Variants in MAST2 observed in about 807,000 individuals in gnomAD.
MAST2 encodes the protein microtubule-associated serine/threonine-protein kinase 2.
MAST2 carries 70 observed loss-of-function variants against 147.4 expected under a neutral mutation model. That is an observed-to-expected ratio of 0.47 (90% CI 0.39 to 0.58). MAST2 has a LOEUF of 0.58. Ranked by LOEUF, MAST2 falls within the 20% of genes least tolerant of loss-of-function variation. The pLI, the probability that MAST2 is intolerant of heterozygous loss-of-function variation, is 0.00. For missense variants in MAST2, 2,080 were observed against 2,302.3 expected (o/e 0.90, Z 1.98); for synonymous variants, 869 against 896.8 (o/e 0.97, Z 0.55).
intron 3 of MAST2, among the ~76,000 whole-genome samples, chr1:45,845,778 T>C (rs1645411231): frequency 6.6e-6 from 1 of 152,246 alleles, no homozygotes; most frequent in African/African-American, 2.4e-5. Flanking sequence ...TTTTTCCTTT[T>C]TTGAGACGGA....
intron 4 of MAST2, among the ~76,000 whole-genome samples, chr1:45,956,032 T>G (rs541207619): frequency 1.4e-4 from 21 of 152,200 alleles, no homozygotes; most frequent in Non-Finnish European, 2.9e-4. Context: ...TGCTTCTCAT[T>G]GGGCAACTAC....
intron 3 of MAST2, among the ~76,000 whole-genome samples, chr1:45,852,814 G>T (rs554477489): frequency 8.3e-6 from 1 of 120,646 alleles, no homozygotes; most frequent in East Asian, 3.2e-4. Flanking sequence ...GTATTCCATT[G>T]TATGGTCACA....
rs1488856269 is a variant in MAST2, at chr1:45,995,708, T to C, written c.593-2016T>C. 2.0e-5 allele frequency among the ~76,000 whole-genome samples: 3 copies of C among 152,330 alleles called. No homozygotes were observed. The East Asian group carries it at 5.8e-4, about 29-fold the overall frequency. On this transcript the variant is annotated intron_variant, in intron 5 of 28. Transcript: ENST00000361297. ...CTGGCATGACAGGCGTGAGCCACTG[T>C]ACCCGGCTCCCTCTAAACTGCTTTT...
At chr1:46,028,573 G>A (rs1571273794) in intron 17 of MAST2, among the ~76,000 whole-genome samples, 195 bp from the exon 18 acceptor site, 1 of 152,166 alleles carries the variant, frequency 6.6e-6, no homozygotes, top group Non-Finnish European at 1.5e-5. Context: ...AGACATTTTT[G>A]TTAATTAGGA....
chr1:45,909,260 C>G (rs1446014658), intron 4 of MAST2, among the ~76,000 whole-genome samples: 1 of 152,084 alleles, frequency 6.6e-6, no homozygotes, highest in East Asian at 1.9e-4. Context: ...CTTTTTCTCA[C>G]TTTATTATCA....
intron 1 of MAST2, among the ~76,000 whole-genome samples, chr1:45,816,107 C>T (rs1486504993): frequency 6.6e-6 from 1 of 151,878 alleles, no homozygotes; most frequent in African/African-American, 2.4e-5. Flanking sequence ...GCCTTTTTCC[C>T]AAGCACAGAT....
intron 10 of MAST2, among the ~76,000 whole-genome samples, chr1:46,011,352 G>A (rs1456794828): frequency 6.6e-6 from 1 of 152,170 alleles, no homozygotes; most frequent in African/African-American, 2.4e-5. Flanking sequence ...GGGAAAACAG[G>A]TATGAGGCTT....
At chr1:45,872,992 AGT>A (rs1366181565) in intron 3 of MAST2, among the ~76,000 whole-genome samples, 1 of 152,146 alleles carries the variant, frequency 6.6e-6, no homozygotes, top group Non-Finnish European at 1.5e-5. Context: ...AAAGTATCAA[AGT>A]GTATCAATTT....
Position 46,006,394 on chromosome 1 carries a change from A to G in MAST2, c.901A>G (p.Ser301Gly). The G allele has an allele frequency of 6.2e-7, 1 of 1,611,456 alleles. No homozygotes were observed. The highest frequency in any genetic ancestry group is 8.5e-7 in the Non-Finnish European group (1 of 1,178,422). The stretch of plus-strand genomic sequence containing the variant: ...CATGCGGCCTCGCTCCCGGAGCCTC[A>G]GGTGAGGGTGCTCTCTGCCCACTGT... ...PAMRPRSRSLSPGRSPVSFDS... is the reference protein window; with the variant it reads ...PAMRPRSRSLGPGRSPVSFDS... Residue 301 changes from serine (S) to glycine (G), a missense_variant and splice_region_variant, in exon 8 of 29, where the codon AGT becomes GGT. Coordinates refer to ENST00000361297, the MANE Select transcript of MAST2 (RefSeq NM_015112.3).
intron 4 of MAST2, among the ~76,000 whole-genome samples, chr1:45,889,110 A>G (rs1206784943): frequency 6.6e-6 from 1 of 152,184 alleles, no homozygotes; most frequent in East Asian, 1.9e-4. Flanking sequence ...CAGTCTACCT[A>G]ACTATCATAC....
chr1:45,914,287 C>G (rs895506413), intron 4 of MAST2, among the ~76,000 whole-genome samples: 2 of 152,204 alleles, frequency 1.3e-5, no homozygotes, highest in African/African-American at 4.8e-5. Context: ...CATGGCCTGT[C>G]AGCTCAGGAC....
chr1:45,862,628 C>G (rs1646019224), intron 3 of MAST2, among the ~76,000 whole-genome samples: 4 of 151,992 alleles, frequency 2.6e-5, no homozygotes, highest in Admixed American at 6.6e-5. Context: ...TGCCATCATG[C>G]CTGGCTAATT....
chr1:45,969,266 G>A (rs1032236070), intron 5 of MAST2, among the ~76,000 whole-genome samples: 5 of 152,152 alleles, frequency 3.3e-5, no homozygotes, highest in Non-Finnish European at 5.9e-5. Context: ...AAAGGTGGAC[G>A]AGATGAACTG....
intron 4 of MAST2, among the ~76,000 whole-genome samples, chr1:45,918,425 G>A (rs1011262234): frequency 6.6e-6 from 1 of 152,242 alleles, no homozygotes; most frequent in African/African-American, 2.4e-5. Flanking sequence ...AGTGTAGTGG[G>A]CAGCCAGATT....
Position 46,029,815 on chromosome 1 carries a change from T to C in MAST2, c.2321-16T>C. The C allele has an allele frequency of 6.2e-7, 1 of 1,613,574 alleles. No individual in the cohort carries two copies. Among genetic ancestry groups the C allele is most frequent in the African/African-American group, 1.3e-5 (1 of 75,010 alleles). ...TGCTCATCCTACCCCCTTGCCCATG[T>C]CCTCCCTGTCCACAGGCAGTGCCTA... On this transcript the variant is annotated splice_polypyrimidine_tract_variant and intron_variant, in intron 19 of 28. Transcript: ENST00000361297.
At chr1:45,971,841 G>A (rs1294256843) in intron 5 of MAST2, among the ~76,000 whole-genome samples, 1 of 152,128 alleles carries the variant, frequency 6.6e-6, no homozygotes, top group African/African-American at 2.4e-5. Context: ...GCATATATAT[G>A]GAGGCATGGA....
At chr1:45,981,055 GGTTTT>G (rs544064989) in intron 5 of MAST2, among the ~76,000 whole-genome samples, 87 of 152,172 alleles carry the variant, frequency 5.7e-4, no homozygotes, top group South Asian at 1.5e-3. Flanking sequence ...CTGAGGCTAT[GGTTTT>G]GTTTTGTTTT....
intron 4 of MAST2, among the ~76,000 whole-genome samples, chr1:45,956,270 G>T (rs930868733): frequency 3.3e-5 from 5 of 152,030 alleles, no homozygotes; most frequent in Admixed American, 2.6e-4. Context: ...GCAACCTATT[G>T]TCAACACTTC....
At chr1:45,881,839 G>A (rs1646858155) in intron 3 of MAST2, among the ~76,000 whole-genome samples, 1 of 151,586 alleles carries the variant, frequency 6.6e-6, no homozygotes, top group African/African-American at 2.4e-5. Context: ...AGGAAGGAAG[G>A]ATAAAGAAGT....
Sources: allele counts gnomAD v4.1 joint callset (sites outside exome capture counted in the v4.1 genomes callset), GRCh38; gene constraint gnomAD v4.1.1; transcripts MANE v1.5; gene names NCBI Gene and HGNC (gene_info 2026-07-23, HGNC 2026-07-21).